TTC7A: variants seen among roughly 807,000 people sequenced by gnomAD.
TTC7A encodes the protein tetratricopeptide repeat domain 7A.
Under a neutral mutation model 103.7 loss-of-function variants are expected in TTC7A, and 110 were observed. The ratio of observed to expected loss-of-function variants is 1.06; its 90% confidence interval spans 0.91 to 1.24. The LOEUF (loss-of-function observed/expected upper bound fraction) is 1.24, where lower values mean the gene tolerates loss of function less well. Among genes scored for constraint, TTC7A ranks in the 50% most tolerant of loss-of-function variants. The pLI is 0.00. For missense variants in TTC7A, 1,340 were observed against 1,116.3 expected (o/e 1.20, Z -2.86); for synonymous variants, 521 against 467.9 (o/e 1.11, Z -1.47).
At chr2:47,061,282 C>A (rs1573069278) in intron 19 of TTC7A, among the ~76,000 whole-genome samples, 4 of 152,118 alleles carry the variant, frequency 2.6e-5, no homozygotes, top group South Asian at 4.2e-4. Context: ...GGGATCTAGC[C>A]CCAAAAGGCT....
In TTC7A at chr2:47,062,439, C is replaced by T. The variant is rs59510879; in HGVS notation, c.2355+1468C>T. 9.9e-3 allele frequency among the ~76,000 whole-genome samples: 1,506 copies of T among 152,348 alleles called. 21 individuals are homozygous for T. Among genetic ancestry groups the T allele is most frequent in the African/African-American group, 0.034 (1,393 of 41,574 alleles). ...CTTCCCACATGGCTGCATTGCCTTC[C>T]AGTCAGCTCAGCAAATGTTTGCTTT... is the stretch of plus-strand genomic sequence containing the variant. On this transcript the variant is annotated intron_variant, in intron 19 of 19. Coordinates refer to ENST00000319190, the MANE Select transcript of TTC7A (RefSeq NM_020458.4).
chr2:47,000,249 T>A lies in TTC7A; in HGVS notation c.1065+5050T>A, dbSNP rs186834145. On this transcript the variant is annotated intron_variant, in intron 8 of 19. Coordinates refer to ENST00000319190, the MANE Select transcript of TTC7A (RefSeq NM_020458.4). The stretch of plus-strand genomic sequence containing the variant: ...GAGATAAACTGGATTAAGGGTGCCA[T>A]TCAGTTAAAAAAAAAAAAAAAAGTG... 3.1e-3 allele frequency among the ~76,000 whole-genome samples: 433 copies of A among 141,820 alleles called. 4 individuals are homozygous for A. Among genetic ancestry groups the A allele is most frequent in the African/African-American group, 9.8e-3 (357 of 36,386 alleles). 93.0% of individuals were successfully genotyped at this position (141,820 alleles called of 152,430 possible). A position where few individuals can be genotyped will look rare whatever the true frequency, so the allele number is the denominator to read the frequency against.
intron 3 of TTC7A, among the ~76,000 whole-genome samples, chr2:46,958,261 A>G (rs1175948561): frequency 2.0e-5 from 3 of 152,180 alleles, no homozygotes; most frequent in Non-Finnish European, 4.4e-5. Flanking sequence ...CAAGATGGTC[A>G]CTGTGGGTGG....
At chr2:46,952,873 CAT>C (rs568811189) in intron 2 of TTC7A, among the ~76,000 whole-genome samples, 66 of 152,326 alleles carry the variant, frequency 4.3e-4, no homozygotes, top group African/African-American at 1.5e-3. Flanking sequence ...CATTTACAAA[CAT>C]ATATACACAC....
chr2:47,029,457 C>T, intron 15 of TTC7A, 73 bp downstream of exon 15: 3 of 1,527,490 alleles, frequency 2.0e-6, no homozygotes, highest in Non-Finnish European at 2.7e-6. Context: ...TGCACACCTG[C>T]CCTGCCATGG....
At chr2:46,974,861 G>C in intron 3 of TTC7A, 112 bp from the exon 4 acceptor site, 1 of 1,459,940 alleles carries the variant, frequency 6.8e-7, no homozygotes, top group Non-Finnish European at 9.3e-7. Flanking sequence ...CCTCCTCCTG[G>C]CTGCACCAGA....
In TTC7A at chr2:46,994,433, C is replaced by G. The variant is rs1023388318; in HGVS notation, c.920C>G (p.Pro307Arg). Residue 307 changes from proline (P) to arginine (R), a missense_variant, in exon 7 of 20, where the codon CCT (proline) becomes CGT (arginine). Coordinates refer to ENST00000319190, the MANE Select transcript of TTC7A (RefSeq NM_020458.4). ...EECYWSPLSHPLPEFMGKEES... is the reference protein window; with the variant it reads ...EECYWSPLSHRLPEFMGKEES... ...TGCTACTGGAGCCCCCTGTCCCACC[C>G]TCTGCCTGAGTTCATGGGCAAGGAG... 1 of 1,614,122 alleles carries G rather than the reference C, an allele frequency of 6.2e-7. No individual in the cohort carries two copies. Among genetic ancestry groups the G allele is most frequent in the Middle Eastern group, 1.7e-4 (1 of 6,060 alleles).
intron 2 of TTC7A, among the ~76,000 whole-genome samples, chr2:46,925,626 T>C (rs2103819684): frequency 6.6e-6 from 1 of 152,278 alleles, no homozygotes; most frequent in South Asian, 2.1e-4. Flanking sequence ...AACTGACTCA[T>C]TTGATGTGAA....
chr2:46,936,414 T>G (rs971723237), upstream of TTC7A, among the ~76,000 whole-genome samples: 1 of 152,148 alleles, frequency 6.6e-6, no homozygotes, highest in Non-Finnish European at 1.5e-5. Flanking sequence ...ACGTGTCTTA[T>G]TTTGTCTTTA....
intron 15 of TTC7A, 119 bp downstream of exon 15, chr2:47,029,503 A>C: frequency 1.8e-6 from 2 of 1,134,642 alleles, no homozygotes; most frequent in East Asian, 2.4e-5. Flanking sequence ...CACCCGCTGC[A>C]TGCACAATCC....
chr2:46,969,400 G>T (rs999854898), intron 3 of TTC7A, among the ~76,000 whole-genome samples: 12 of 151,952 alleles, frequency 7.9e-5, no homozygotes, highest in Non-Finnish European at 1.6e-4. Flanking sequence ...CCAGCTACTC[G>T]GGAGGCTGAG....
At chr2:46,951,256 T>TC (rs1671378204) in intron 2 of TTC7A, among the ~76,000 whole-genome samples, 1 of 151,892 alleles carries the variant, frequency 6.6e-6, no homozygotes, top group Admixed American at 6.6e-5. Flanking sequence ...CAAAATGTGG[T>TC]CCACCCACCA....
chr2:47,023,651 T>A (rs909652667), intron 13 of TTC7A, among the ~76,000 whole-genome samples, 186 bp downstream of exon 13: 1 of 152,120 alleles, frequency 6.6e-6, no homozygotes, highest in Non-Finnish European at 1.5e-5. Context: ...GAGCCCTGCC[T>A]TCAGCTCTGG....
chr2:47,046,269 T>G lies in TTC7A; in HGVS notation c.1803-46T>G, dbSNP rs766546998. 2.7e-6 allele frequency: 4 copies of G among 1,483,446 alleles called. 1 individual carries two copies. The African/African-American group carries it at 5.5e-5, about 21-fold the overall frequency. The allele number at this position is 1,483,446 out of a possible 1,614,324, so 91.9% of individuals were successfully genotyped here. A position where few individuals can be genotyped will look rare whatever the true frequency, so the allele number is the denominator to read the frequency against. On this transcript the variant is annotated intron_variant, in intron 15 of 19. Coordinates refer to ENST00000319190, the MANE Select transcript of TTC7A (RefSeq NM_020458.4). ...GTGGGGCAGGATCCCCAGGTGAAAG[T>G]GGGCCCTTGCTGGGGTGTGCTGATG...
At chr2:47,046,727 C>T (rs910705875) in intron 16 of TTC7A, 14 of 403,302 alleles carry the variant, frequency 3.5e-5, no homozygotes, top group Non-Finnish European at 5.4e-5. Flanking sequence ...CTTTATCTTA[C>T]ACCTCAGCTG....
chr2:46,986,351 A>G (rs1393342794), intron 5 of TTC7A, among the ~76,000 whole-genome samples: 2 of 152,198 alleles, frequency 1.3e-5, no homozygotes, highest in Admixed American at 6.5e-5. Context: ...AAAGGCCCTC[A>G]GTTCCTGTCC....
chr2:46,939,055 C>T (rs541119520), upstream of TTC7A, among the ~76,000 whole-genome samples: 7 of 149,598 alleles, frequency 4.7e-5, no homozygotes, highest in Admixed American at 1.3e-4. Flanking sequence ...GTGGGAGGAC[C>T]GCTTGAAGCT....
intron 8 of TTC7A, among the ~76,000 whole-genome samples, chr2:46,997,161 T>G (rs975887021): frequency 3.9e-5 from 6 of 152,100 alleles, no homozygotes; most frequent in Admixed American, 3.9e-4. Context: ...GTATTTTTAG[T>G]AGAGACGGGG....
rs1670350774 is a variant in TTC7A, at chr2:46,941,365, T to TGCC, written c.-175_-174insCGC. 1 of 335,198 alleles carries TGCC rather than the reference T, an allele frequency of 3.0e-6. No individual in the cohort carries two copies. Among genetic ancestry groups the TGCC allele is most frequent in the Non-Finnish European group, 4.6e-6 (1 of 216,602 alleles). The allele number at this position is 335,198 out of a possible 1,614,324, so 20.8% of individuals were successfully genotyped here. A position where few individuals can be genotyped will look rare whatever the true frequency, so the allele number is the denominator to read the frequency against. On this transcript the variant is annotated 5_prime_UTR_variant, in exon 1 of 20. Transcript: ENST00000319190. The surrounding 1 kb of genome is among the most constrained non-coding windows in gnomAD (Gnocchi z 4.2). The stretch of plus-strand genomic sequence containing the variant: ...CGGGCGGTGCGCTGGGAGCTGCTGG[T>TGCC]GCTGCTGCTGCTGCTGCTGCCCACC...
Sources: gnomAD v4.1 joint callset for allele counts (sites outside exome capture counted in the v4.1 genomes callset) on GRCh38, gnomAD v4.1.1 for gene constraint, Gnocchi (gnomAD v3.1) non-coding constraint, MANE v1.5 for transcripts, NCBI Gene and HGNC (gene_info 2026-07-23, HGNC 2026-07-21) for gene names.